Variants in HOOK3 observed in about 807,000 individuals in gnomAD.
HOOK3 encodes hook microtubule tethering protein 3.
HOOK3 carries 24 observed loss-of-function variants against 116.3 expected under a neutral mutation model. The observed-to-expected ratio is 0.21, with a 90% CI of 0.15 to 0.29. The LOEUF is 0.29. HOOK3 is among the 10% of genes least tolerant of loss of function. The probability of loss-of-function intolerance (pLI) is 1.00; values close to 1 mark genes in which losing one functional copy is unlikely to be tolerated. For missense variants in HOOK3, 632 were observed against 830.2 expected (o/e 0.76, Z 2.93); for synonymous variants, 275 against 283.0 (o/e 0.97, Z 0.28).
rs753377798 is a variant in HOOK3, at chr8:42,973,378, C to G, written c.1212C>G (p.Asp404Glu). The change falls in exon 12 of 22, where the codon GAC (aspartate) becomes GAG (glutamate). Residue 404 changes from aspartate (D) to glutamate (E), a missense_variant. Physicochemically the swap from Asp to Glu is conservative, Grantham distance 45 (BLOSUM62 2). Transcript: ENST00000307602. ...FEYKRLKEKV[D>E]SLQKEKDRLR... The stretch of plus-strand genomic sequence containing the variant: ...ATAAGCGGCTAAAAGAAAAAGTTGA[C>G]AGTCTTCAAAAAGAAAAGGACGTGA... 1 of 1,611,820 alleles carries G rather than the reference C, an allele frequency of 6.2e-7. No homozygotes were observed. Among genetic ancestry groups the G allele is most frequent in the South Asian group, 1.1e-5 (1 of 90,838 alleles).
intron 18 of HOOK3, among the ~76,000 whole-genome samples, chr8:43,008,671 T>A (rs572243792): frequency 1.3e-3 from 191 of 148,108 alleles, no homozygotes; most frequent in Non-Finnish European, 2.0e-3. Context: ...TTATTTTTTT[T>A]TTTTTTGAGA....
Position 43,026,820 on chromosome 8 carries a change from G to GCTTTTC in HOOK3, c.*8323_*8324insTTTTCC, listed in dbSNP as rs1809940854. 1 of 223,010 alleles carries GCTTTTC rather than the reference G, an allele frequency of 4.5e-6. No individual in the cohort carries two copies. Among genetic ancestry groups the GCTTTTC allele is most frequent in the Non-Finnish European group, 9.0e-6 (1 of 111,596 alleles). The allele number at this position is 223,010 out of a possible 1,614,324, so 13.8% of individuals were successfully genotyped here. On this transcript the variant is annotated 3_prime_UTR_variant, in exon 22 of 22. Transcript: ENST00000307602. Reference sequence around the variant, plus strand: ...AGGCAGGCACTAAAGATGGCAGGCTGCAAAAGCATTCTGAGTTCCCCTGTA... The same window carrying GCTTTTC: ...AGGCAGGCACTAAAGATGGCAGGCTGCTTTTCCAAAAGCATTCTGAGTTCCCCTGTA...
At chr8:42,899,463 G>C (rs1448606912) in intron 1 of HOOK3, among the ~76,000 whole-genome samples, 3 of 152,204 alleles carry the variant, frequency 2.0e-5, no homozygotes, top group Non-Finnish European at 2.9e-5. Context: ...TTTCAAAATA[G>C]AGTTTAAATG....
intron 19 of HOOK3, among the ~76,000 whole-genome samples, chr8:43,011,821 G>C (rs1253223388): frequency 2.6e-5 from 4 of 152,336 alleles, no homozygotes; most frequent in Admixed American, 2.6e-4. Context: ...CAAGGCTGCA[G>C]TGGGCTATGA....
At chr8:42,969,782 T>A (rs139179061) in intron 11 of HOOK3, among the ~76,000 whole-genome samples, 1 of 152,364 alleles carries the variant, frequency 6.6e-6, no homozygotes, top group East Asian at 1.9e-4. Context: ...GTAAATTTCC[T>A]ATTTTTATCT....
At position 43,020,855 on chromosome 8, in the gene HOOK3, C is replaced by T. The variant is rs922607978; in HGVS notation, c.*2357C>T. On this transcript the variant is annotated 3_prime_UTR_variant, in exon 22 of 22. Transcript: ENST00000307602. ...GTGGCTCACGCGTATAATCCCAGCA[C>T]TTTGGGAGGCCGAGACAGGCACATC... 1 of 183,244 alleles carries T rather than the reference C, an allele frequency of 5.5e-6. No homozygotes were observed. The highest frequency in any genetic ancestry group is 2.4e-5 in the African/African-American group (1 of 42,414). 11.4% of individuals were successfully genotyped at this position (183,244 alleles called of 1,614,324 possible). A position where few individuals can be genotyped will look rare whatever the true frequency, so the allele number is the denominator to read the frequency against.
At position 42,979,426 on chromosome 8, in the gene HOOK3, G is replaced by A. The variant is rs868644653; in HGVS notation, c.1322-3201G>A. ...TCTCCTAGGAAAAGAACCACACTTC[G>A]CTCAAGGTTTACCCCTCCCACTCCT... On this transcript the variant is annotated intron_variant, in intron 13 of 21. Transcript: ENST00000307602. 1.7e-4 allele frequency among the ~76,000 whole-genome samples: 26 copies of A among 152,198 alleles called. 1 individual carries two copies. The highest frequency in any genetic ancestry group is 5.1e-4 in the African/African-American group (21 of 41,506).
chr8:42,932,345 A>G (rs7016659), intron 4 of HOOK3, among the ~76,000 whole-genome samples: 7,320 of 152,154 alleles, frequency 0.048, 351 homozygotes, highest in African/African-American at 0.12. Context: ...TGCCTATTAC[A>G]TAAAAAAAAA....
chr8:42,993,179 G>T (rs1299541787), intron 15 of HOOK3, among the ~76,000 whole-genome samples: 1 of 152,158 alleles, frequency 6.6e-6, no homozygotes, highest in African/African-American at 2.4e-5. Flanking sequence ...CATAATAAAT[G>T]ATCTTTTTAA....
At chr8:42,912,066 G>A (rs1159740564) in intron 2 of HOOK3, among the ~76,000 whole-genome samples, 2 of 152,154 alleles carry the variant, frequency 1.3e-5, no homozygotes, top group East Asian at 3.9e-4. Flanking sequence ...TTGAAGTTTG[G>A]CCTTTAATTG....
chr8:42,923,878 A>G (rs1807710939), intron 2 of HOOK3, among the ~76,000 whole-genome samples: 1 of 152,230 alleles, frequency 6.6e-6, no homozygotes, highest in Non-Finnish European at 1.5e-5. Context: ...CAATGATATG[A>G]TACAGGCTTC....
intron 13 of HOOK3, among the ~76,000 whole-genome samples, chr8:42,975,428 AAAAT>A (rs1337179527): frequency 6.6e-6 from 1 of 152,188 alleles, no homozygotes; most frequent in Non-Finnish European, 1.5e-5. Context: ...TGGAGATACA[AAAAT>A]AAATTAGGCA....
chr8:42,973,281 T>C lies in HOOK3; in HGVS notation c.1123-8T>C, dbSNP rs1411361232. ...TTATGTATAAGTAATGGTATCTTTC[T>C]GTATCAGGTAGTAGAACTACAAAAC... On this transcript the variant is annotated splice_polypyrimidine_tract_variant and splice_region_variant and intron_variant, in intron 11 of 21. Coordinates refer to ENST00000307602, the MANE Select transcript of HOOK3 (RefSeq NM_032410.4). 3.1e-6 allele frequency: 5 copies of C among 1,597,770 alleles called. No individual in the cohort carries two copies. Among genetic ancestry groups the C allele is most frequent in the Non-Finnish European group, 4.3e-6 (5 of 1,174,934 alleles).
At position 43,019,292 on chromosome 8, in the gene HOOK3, A is replaced by G. The variant is rs1809775183; in HGVS notation, c.*794A>G. 9.3e-6 allele frequency: 2 copies of G among 215,022 alleles called. No individual in the cohort carries two copies. The highest frequency in any genetic ancestry group is 1.2e-4 in the Admixed American group (2 of 17,100). The allele number at this position is 215,022 out of a possible 1,614,324, so 13.3% of individuals were successfully genotyped here. A position where few individuals can be genotyped will look rare whatever the true frequency, so the allele number is the denominator to read the frequency against. On this transcript the variant is annotated 3_prime_UTR_variant, in exon 22 of 22. Coordinates refer to ENST00000307602, the MANE Select transcript of HOOK3 (RefSeq NM_032410.4). Reference sequence around the variant, plus strand: ...ATTTCTTGTTCTTTTGGAATATCTTAGTAACTGAGGATCATTTTCTAACAA... The same window carrying G: ...ATTTCTTGTTCTTTTGGAATATCTTGGTAACTGAGGATCATTTTCTAACAA...
intron 2 of HOOK3, among the ~76,000 whole-genome samples, chr8:42,911,958 A>G (rs1232359763): frequency 6.6e-6 from 1 of 152,192 alleles, no homozygotes; most frequent in Non-Finnish European, 1.5e-5. Context: ...CAAACTGGAG[A>G]TATCTATTTG....
intron 11 of HOOK3, among the ~76,000 whole-genome samples, chr8:42,971,609 C>A (rs1808729186): frequency 6.6e-6 from 1 of 151,992 alleles, no homozygotes; most frequent in South Asian, 2.1e-4. Flanking sequence ...TACAAGCCTT[C>A]TTTGTGTGCT....
chr8:42,989,569 T>C (rs1403728354), intron 15 of HOOK3, among the ~76,000 whole-genome samples: 1 of 152,218 alleles, frequency 6.6e-6, no homozygotes, highest in East Asian at 1.9e-4. Flanking sequence ...AAATGGGTTA[T>C]CCATCCTCTC....
At position 43,020,007 on chromosome 8, in the gene HOOK3, T is replaced by G. The variant is rs995749047; in HGVS notation, c.*1509T>G. ...ACGAATAAGTAACCTCAAATCAAGC[T>G]AAATGTAATTAAGAATTTTCAGCAA... On this transcript the variant is annotated 3_prime_UTR_variant, in exon 22 of 22. Coordinates refer to ENST00000307602, the MANE Select transcript of HOOK3 (RefSeq NM_032410.4). The G allele has an allele frequency of 1.5e-5, 3 of 197,514 alleles. No individual in the cohort carries two copies. The highest frequency in any genetic ancestry group is 1.2e-4 in the Admixed American group (2 of 16,526). 12.2% of individuals were successfully genotyped at this position (197,514 alleles called of 1,614,324 possible). A position where few individuals can be genotyped will look rare whatever the true frequency, so the allele number is the denominator to read the frequency against.
intron 5 of HOOK3, among the ~76,000 whole-genome samples, chr8:42,943,821 G>A (rs1330666909): frequency 6.6e-6 from 1 of 152,178 alleles, no homozygotes; most frequent in Non-Finnish European, 1.5e-5. Context: ...ATCTGTAACA[G>A]ATGCCTTCAG....
Sources: allele counts gnomAD v4.1 joint callset (sites outside exome capture counted in the v4.1 genomes callset), GRCh38; gene constraint gnomAD v4.1.1; transcripts MANE v1.5; gene names NCBI Gene and HGNC (gene_info 2026-07-23, HGNC 2026-07-21).